The following KLRF2 variants were observed in gnomAD, a reference collection of about 807,000 sequenced individuals.
KLRF2 encodes killer cell lectin like receptor F2.
A neutral mutation model predicts 25.3 loss-of-function variants in KLRF2; 28 were observed. The observed-to-expected ratio is 1.11, with a 90% CI of 0.82 to 1.52. The LOEUF (loss-of-function observed/expected upper bound fraction) is 1.52, where lower values mean the gene tolerates loss of function less well. KLRF2 is among the 40% of genes most tolerant of loss of function. The pLI is 0.00. For synonymous variants in KLRF2, 73 were observed against 85.0 expected, an observed-to-expected ratio of 0.86 and a Z score of 0.78; for missense variants, 265 against 245.8, an observed-to-expected ratio of 1.08 and a Z score of -0.52.
At chr12:9,888,682 T>G in intron 2 of KLRF2, 51 bp from the exon 3 acceptor site, 1 of 1,017,240 alleles carries the variant, frequency 9.8e-7, no homozygotes, top group Non-Finnish European at 1.5e-6. Context: ...GTACCTAGAT[T>G]GCTATTGATT....
chr12:9,886,616 AC>A (rs59206182), intron 2 of KLRF2, among the ~76,000 whole-genome samples: 280 of 152,298 alleles, frequency 1.8e-3, no homozygotes, highest in African/African-American at 6.5e-3. Context: ...AATGCTTATT[AC>A]CAATTAAATT....
intron 5 of KLRF2, among the ~76,000 whole-genome samples, chr12:9,894,187 C>G (rs1031827960): frequency 8.2e-6 from 1 of 122,294 alleles, no homozygotes; most frequent in Non-Finnish European, 1.7e-5. Context: ...TTCTTTCTTT[C>G]TTTCTTTTTT....
chr12:9,888,309 T>G (rs1862627175), intron 2 of KLRF2, among the ~76,000 whole-genome samples: 1 of 151,312 alleles, frequency 6.6e-6, no homozygotes, highest in Non-Finnish European at 1.5e-5. Flanking sequence ...GCTAATATCA[T>G]GAAACCCCAT....
At chr12:9,894,716 A>C (rs959888434) in intron 5 of KLRF2, among the ~76,000 whole-genome samples, 1 of 152,132 alleles carries the variant, frequency 6.6e-6, no homozygotes, top group East Asian at 1.9e-4. Context: ...ATATTTATCT[A>C]CTCCTGGATA....
At chr12:9,882,552 C>T (rs999041556) in intron 1 of KLRF2, among the ~76,000 whole-genome samples, 3 of 151,966 alleles carry the variant, frequency 2.0e-5, no homozygotes, top group Non-Finnish European at 2.9e-5. Flanking sequence ...CAGAGGTGGG[C>T]GGGTCACCTG....
chr12:9,888,674 A>G, intron 2 of KLRF2, 59 bp from the exon 3 acceptor site: 1 of 961,918 alleles, frequency 1.0e-6, no homozygotes, highest in Non-Finnish European at 1.6e-6. Context: ...ATTCTCATGT[A>G]CCTAGATTGC....
At chr12:9,894,804 T>C (rs1213557007) in intron 5 of KLRF2, among the ~76,000 whole-genome samples, 1 of 152,188 alleles carries the variant, frequency 6.6e-6, no homozygotes, top group African/African-American at 2.4e-5. Context: ...CTGGACCTGC[T>C]TTTAATGCAA....
chr12:9,893,457 G>C lies in KLRF2; in HGVS notation c.395G>C (p.Gly132Ala), dbSNP rs1340119490. The change falls in exon 5 of 6, where the codon GGA (glycine) becomes GCA (alanine). Residue 132 changes from glycine to alanine, a missense_variant. Gly to Ala is a moderately conservative substitution (Grantham distance 60). Transcript: ENST00000535540. ...TTCATACAGAACAGTTTAAAACCTG[G>C]ACATTTTGGTTGGATTGGACTATAT... is the stretch of plus-strand genomic sequence containing the variant. ...LEFIQNSLKP[G>A]HFGWIGLYVT... 13 of 1,502,804 alleles carry C rather than the reference G, an allele frequency of 8.7e-6. No individual in the cohort carries two copies. Among genetic ancestry groups the C allele is most frequent in the Non-Finnish European group, 1.2e-5 (13 of 1,118,466 alleles). 93.1% of individuals were successfully genotyped at this position (1,502,804 alleles called of 1,614,324 possible).
chr12:9,881,719 A>T lies in KLRF2; in HGVS notation c.70+54A>T, dbSNP rs1384522962. Reference sequence around the variant, plus strand: ...TTAAAATTTCATTATTCTTCTAGGAAGAGAATTATCTTAGAATATTTTTAA... The same window carrying T: ...TTAAAATTTCATTATTCTTCTAGGATGAGAATTATCTTAGAATATTTTTAA... On this transcript the variant is annotated intron_variant, in intron 1 of 5. Transcript: ENST00000535540. The T allele has an allele frequency of 1.2e-5, 15 of 1,222,000 alleles. No individual in the cohort carries two copies. In the East Asian group the frequency reaches 3.8e-4, roughly 31 times the overall value. The allele number at this position is 1,222,000 out of a possible 1,614,324, so 75.7% of individuals were successfully genotyped here.
rs1565522206 is a variant in KLRF2 at position 9,888,734 on chromosome 12, T to C, written c.171T>C (p.His57=). The change falls in exon 3 of 6, where the codon CAT becomes CAC. Residue 57 remains histidine (H), a splice_region_variant and synonymous_variant. Coordinates refer to ENST00000535540, the MANE Select transcript of KLRF2 (RefSeq NM_001190765.1). ...IMTGIDLKFW[H]KKMDFSQNVN... ...ATCTTTTCTTTGCACTGAGTACAGA[T>C]AAAAAAATGGATTTCTCCCAGAATG... The C allele has an allele frequency of 1.3e-6, 2 of 1,487,256 alleles. No homozygotes were observed. The highest frequency in any genetic ancestry group is 1.2e-5 in the South Asian group (1 of 82,782). The allele number at this position is 1,487,256 out of a possible 1,614,324, so 92.1% of individuals were successfully genotyped here.
chr12:9,886,300 A>AAAT (rs1344098857), intron 2 of KLRF2, among the ~76,000 whole-genome samples: 1 of 152,218 alleles, frequency 6.6e-6, no homozygotes, highest in Non-Finnish European at 1.5e-5. Context: ...TATTGACCAT[A>AAAT]AATATTTATA....
rs200346447 is a variant in KLRF2, at chr12:9,883,486, G to T, written c.71-1448G>T. On this transcript the variant is annotated intron_variant, in intron 1 of 5. Coordinates refer to ENST00000535540, the MANE Select transcript of KLRF2 (RefSeq NM_001190765.1). Reference sequence around the variant, plus strand: ...GGCTTACATGAAAATATTAATTTTTGGTCTATTGTTCAGTTTTTTATAAAT... The same window carrying T: ...GGCTTACATGAAAATATTAATTTTTTGTCTATTGTTCAGTTTTTTATAAAT... Among the ~76,000 whole-genome samples, 3 of 151,984 alleles carry T rather than the reference G, an allele frequency of 2.0e-5. No individual in the cohort carries two copies. In the East Asian group the frequency reaches 5.8e-4, roughly 29 times the overall value.
At chr12:9,891,822 A>G (rs1862679213) in intron 3 of KLRF2, among the ~76,000 whole-genome samples, 1 of 152,124 alleles carries the variant, frequency 6.6e-6, no homozygotes, top group Admixed American at 6.5e-5. Flanking sequence ...TACTTTTTTA[A>G]TCTTAGCTGG....
intron 2 of KLRF2, 22 bp from the exon 3 acceptor site, chr12:9,888,711 C>G (rs750096559): frequency 1.4e-6 from 2 of 1,387,852 alleles, no homozygotes; most frequent in East Asian, 5.0e-5. Flanking sequence ...TTTCTCATAT[C>G]TTTTCTTTGC....
intron 2 of KLRF2, 37 bp downstream of exon 2, chr12:9,885,069 GA>G: frequency 1.3e-6 from 1 of 762,360 alleles, no homozygotes; most frequent in Non-Finnish European, 1.8e-6. Context: ...AACATTTTCA[GA>G]AGATAAATGT....
In KLRF2 at chr12:9,881,724, A is replaced by G. The variant is rs562123292; in HGVS notation, c.70+59A>G. On this transcript the variant is annotated intron_variant, in intron 1 of 5. Transcript: ENST00000535540. ...ATTTCATTATTCTTCTAGGAAGAGA[A>G]TTATCTTAGAATATTTTTAACATCT... 20 of 1,184,542 alleles carry G rather than the reference A, an allele frequency of 1.7e-5. No individual in the cohort carries two copies. The South Asian group carries it at 2.5e-4, about 15-fold the overall frequency. 73.4% of individuals were successfully genotyped at this position (1,184,542 alleles called of 1,614,324 possible).
intron 1 of KLRF2, among the ~76,000 whole-genome samples, chr12:9,884,169 T>G (rs898739515): frequency 6.6e-6 from 1 of 152,036 alleles, no homozygotes; most frequent in African/African-American, 2.4e-5. Flanking sequence ...GTAGATAAAA[T>G]TGAAAGAGGA....
At chr12:9,884,891 A>G in intron 1 of KLRF2, 43 bp from the exon 2 acceptor site, 1 of 621,612 alleles carries the variant, frequency 1.6e-6, no homozygotes, top group East Asian at 3.4e-5. Context: ...AAAAATATTT[A>G]TAAAGTGAAT....
At chr12:9,888,257 G>A (rs953432695) in intron 2 of KLRF2, among the ~76,000 whole-genome samples, 1 of 151,840 alleles carries the variant, frequency 6.6e-6, no homozygotes, top group Non-Finnish European at 1.5e-5. Flanking sequence ...TTCGGAAGCC[G>A]AGGCGGGCGG....
Sources: gnomAD v4.1 joint callset for allele counts (sites outside exome capture counted in the v4.1 genomes callset) on GRCh38, gnomAD v4.1.1 for gene constraint, MANE v1.5 for transcripts, NCBI Gene and HGNC (gene_info 2026-07-23, HGNC 2026-07-21) for gene names.